The following CAMKMT variants were observed in gnomAD, a reference collection of about 807,000 sequenced individuals.
CAMKMT encodes calmodulin-lysine N-methyltransferase, also known as CaM KMT.
A neutral mutation model predicts 48.0 loss-of-function variants in CAMKMT; 53 were observed. That is an observed-to-expected ratio of 1.10 (90% CI 0.89 to 1.39). The LOEUF is 1.39. Ranked by LOEUF, CAMKMT falls within the 40% of genes most tolerant of loss-of-function variation. CAMKMT has a pLI of 0.00. For missense variants in CAMKMT, 428 were observed against 402.7 expected (o/e 1.06, Z -0.54); for synonymous variants, 165 against 152.3 (o/e 1.08, Z -0.61).
intron 2 of CAMKMT, among the ~76,000 whole-genome samples, chr2:44,386,699 T>C (rs1458614221): frequency 6.6e-6 from 1 of 152,142 alleles, no homozygotes; most frequent in East Asian, 1.9e-4. Context: ...ATCCCATAGA[T>C]TTTGATAGGT....
At chr2:44,505,757 CG>C (rs1558662866) in intron 3 of CAMKMT, among the ~76,000 whole-genome samples, 1 of 152,088 alleles carries the variant, frequency 6.6e-6, no homozygotes, top group Non-Finnish European at 1.5e-5. Context: ...AGTTCAAATC[CG>C]TGTTGTCCAA....
At chr2:44,759,015 T>A (rs1172431992) in intron 9 of CAMKMT, among the ~76,000 whole-genome samples, 2 of 152,154 alleles carry the variant, frequency 1.3e-5, no homozygotes, top group African/African-American at 2.4e-5. Flanking sequence ...CACTGTGGAA[T>A]TCACTTAACC....
intron 3 of CAMKMT, among the ~76,000 whole-genome samples, chr2:44,654,794 C>T (rs1428806902): frequency 2.6e-5 from 4 of 152,122 alleles, no homozygotes; most frequent in South Asian, 2.1e-4. Flanking sequence ...GGATTACAGG[C>T]GTGAGCCACT....
At chr2:44,379,376 T>C (rs761811327) in intron 2 of CAMKMT, among the ~76,000 whole-genome samples, 2 of 152,242 alleles carry the variant, frequency 1.3e-5, no homozygotes, top group Admixed American at 1.3e-4. Context: ...TGAATATGCA[T>C]GTACAAGTTT....
chr2:44,724,558 A>G (rs916559817), intron 7 of CAMKMT, among the ~76,000 whole-genome samples: 3 of 152,160 alleles, frequency 2.0e-5, no homozygotes, highest in African/African-American at 4.8e-5. Context: ...AGCCCATTTT[A>G]TATCCCTGGA....
intron 3 of CAMKMT, among the ~76,000 whole-genome samples, chr2:44,674,863 G>A (rs1047457099): frequency 6.6e-6 from 1 of 151,754 alleles, no homozygotes; most frequent in African/African-American, 2.4e-5. Flanking sequence ...TTCTTGGCAT[G>A]TAATGATTTC....
At chr2:44,425,195 A>G (rs982037459) in intron 3 of CAMKMT, among the ~76,000 whole-genome samples, 2 of 152,190 alleles carry the variant, frequency 1.3e-5, no homozygotes, top group African/African-American at 4.8e-5. Context: ...AAATAAAGCT[A>G]TCTAACAATA....
At chr2:44,418,881 G>A (rs1683743867) in intron 3 of CAMKMT, among the ~76,000 whole-genome samples, 1 of 151,972 alleles carries the variant, frequency 6.6e-6, no homozygotes, top group Non-Finnish European at 1.5e-5. Context: ...AACCTGATAT[G>A]GTTGTCTCTT....
intron 9 of CAMKMT, among the ~76,000 whole-genome samples, chr2:44,763,122 G>C (rs888841944): frequency 6.6e-6 from 1 of 152,104 alleles, no homozygotes; most frequent in Non-Finnish European, 1.5e-5. Flanking sequence ...GGAGATGCTG[G>C]CACTCAGTAG....
intron 3 of CAMKMT, among the ~76,000 whole-genome samples, chr2:44,595,914 C>G (rs1032328475): frequency 1.2e-4 from 18 of 149,064 alleles, no homozygotes; most frequent in Non-Finnish European, 3.0e-5. Flanking sequence ...TGTTCTCACT[C>G]GTAAGTGGGA....
chr2:44,393,269 T>C (rs1158444724), intron 3 of CAMKMT: 1 of 152,186 alleles, frequency 6.6e-6, no homozygotes, highest in Non-Finnish European at 1.5e-5. Context: ...TTTTTTTGTA[T>C]TTACTTTTTT....
chr2:44,475,580 G>T (rs924419196), intron 3 of CAMKMT, among the ~76,000 whole-genome samples: 3 of 152,126 alleles, frequency 2.0e-5, no homozygotes, highest in African/African-American at 7.2e-5. Flanking sequence ...CTCCCAAAGT[G>T]CTGGGATTAC....
At chr2:44,640,780 T>G (rs571997184) in intron 3 of CAMKMT, among the ~76,000 whole-genome samples, 12 of 152,328 alleles carry the variant, frequency 7.9e-5, no homozygotes, top group Admixed American at 5.9e-4. Flanking sequence ...GCATGCCCTC[T>G]GTAATGTTGC....
At position 44,516,991 on chromosome 2, in the gene CAMKMT, C is replaced by G. The variant is rs139727713; in HGVS notation, c.376+126686C>G. Among the ~76,000 whole-genome samples, 278 of 152,286 alleles carry G rather than the reference C, an allele frequency of 1.8e-3. 1 individual carries two copies. The highest frequency in any genetic ancestry group is 6.3e-3 in the African/African-American group (263 of 41,550). On this transcript the variant is annotated intron_variant, in intron 3 of 10. Coordinates refer to ENST00000378494, the MANE Select transcript of CAMKMT (RefSeq NM_024766.5). ...TCCTGACCTCAAATGATCCACCTGT[C>G]TCAGCCTCCCAAAGTGCTGGGATTA...
At chr2:44,626,329 T>C (rs769102939) in intron 3 of CAMKMT, among the ~76,000 whole-genome samples, 1 of 152,176 alleles carries the variant, frequency 6.6e-6, no homozygotes, top group Non-Finnish European at 1.5e-5. Flanking sequence ...CATTTTCCAA[T>C]TGTTTAGTGC....
intron 3 of CAMKMT, among the ~76,000 whole-genome samples, chr2:44,672,861 A>C (rs555658467): frequency 6.6e-6 from 1 of 152,342 alleles, no homozygotes; most frequent in African/African-American, 2.4e-5. Context: ...TTTGAGGGTT[A>C]GATGAATTCT....
intron 3 of CAMKMT, among the ~76,000 whole-genome samples, chr2:44,536,834 G>T (rs1190437928): frequency 6.6e-6 from 1 of 151,732 alleles, no homozygotes; most frequent in Non-Finnish European, 1.5e-5. Flanking sequence ...CAATGGAACA[G>T]AATAGAGAAC....
At chr2:44,652,056 T>C (rs1282175506) in intron 3 of CAMKMT, among the ~76,000 whole-genome samples, 1 of 152,242 alleles carries the variant, frequency 6.6e-6, no homozygotes, top group Non-Finnish European at 1.5e-5. Flanking sequence ...GAAGTAATTA[T>C]TTTAATCCTG....
chr2:44,485,858 T>C (rs1187407400), intron 3 of CAMKMT, among the ~76,000 whole-genome samples: 1 of 152,222 alleles, frequency 6.6e-6, no homozygotes, highest in Non-Finnish European at 1.5e-5. Flanking sequence ...GAAATCAGGA[T>C]AATGCTTACC....
Sources: gnomAD v4.1 joint callset for allele counts (sites outside exome capture counted in the v4.1 genomes callset) on GRCh38, gnomAD v4.1.1 for gene constraint, MANE v1.5 for transcripts, NCBI Gene and HGNC (gene_info 2026-07-23, HGNC 2026-07-21) for gene names.